Variants in WASHC5 observed in about 807,000 individuals in gnomAD.
WASHC5 encodes the protein WASH complex subunit strumpellin.
Under a neutral mutation model 150.4 loss-of-function variants are expected in WASHC5, and 101 were observed. The observed-to-expected ratio is 0.67, with a 90% confidence interval of 0.57 to 0.79. The LOEUF (loss-of-function observed/expected upper bound fraction) is 0.79, where lower values mean the gene tolerates loss of function less well. WASHC5 is among the 30% of genes least tolerant of loss of function. The pLI is 0.00. For synonymous variants in WASHC5, 467 were observed against 491.2 expected, an observed-to-expected ratio of 0.95 and a Z score of 0.65; for missense variants, 1,195 against 1,396.3, an observed-to-expected ratio of 0.86 and a Z score of 2.30.
At chr8:125,071,826 G>T (rs1405517571) in intron 9 of WASHC5, among the ~76,000 whole-genome samples, 1 of 152,158 alleles carries the variant, frequency 6.6e-6, no homozygotes, top group Non-Finnish European at 1.5e-5. Context: ...TCTGAGATGG[G>T]GCTCACTGGG....
At chr8:125,054,600 G>A (rs571441989) in intron 17 of WASHC5, among the ~76,000 whole-genome samples, 10 of 151,968 alleles carry the variant, frequency 6.6e-5, no homozygotes, top group African/African-American at 1.4e-4. Context: ...TTGGGAGGCC[G>A]AGGCGGGCGG....
intron 4 of WASHC5, 63 bp downstream of exon 4, chr8:125,082,319 GA>G (rs879524652): frequency 7.3e-5 from 69 of 949,178 alleles, no homozygotes; most frequent in East Asian, 5.6e-4. Flanking sequence ...TGACTTAAAA[GA>G]AAAAAAAGTG....
chr8:125,063,357 C>T (rs1269139306), intron 11 of WASHC5, among the ~76,000 whole-genome samples, 165 bp downstream of exon 11: 2 of 152,122 alleles, frequency 1.3e-5, no homozygotes, highest in Non-Finnish European at 2.9e-5. Context: ...GAGAGCTAGA[C>T]GCAGCCAAAA....
At chr8:125,062,005 C>T (rs558730517) in intron 11 of WASHC5, among the ~76,000 whole-genome samples, 90 of 152,178 alleles carry the variant, frequency 5.9e-4, no homozygotes, top group African/African-American at 2.0e-3. Context: ...AAGTTGATCC[C>T]CTAAAGTTTT....
chr8:125,031,710 A>T (rs1351231638), intron 27 of WASHC5, among the ~76,000 whole-genome samples: 1 of 152,106 alleles, frequency 6.6e-6, no homozygotes, highest in Admixed American at 6.5e-5. Context: ...TTTTTTCTTT[A>T]TCCCAGAAAA....
Position 125,067,502 on chromosome 8 carries a change from CA to C in WASHC5, c.1278+89del, listed in dbSNP as rs540453883. The C allele has an allele frequency of 1.5e-3, 1,689 of 1,102,956 alleles. 13 individuals are homozygous for C. In the African/African-American group the frequency reaches 0.023, roughly 15 times the overall value. The allele number at this position is 1,102,956 out of a possible 1,614,324, so 68.3% of individuals were successfully genotyped here. A position where few individuals can be genotyped will look rare whatever the true frequency, so the allele number is the denominator to read the frequency against. ...TCAAATCTGTACCTTGAATCAGAGA[CA>C]GAGCAAGCAATCCTAGTCTTTTTTT... On this transcript the variant is annotated intron_variant, in intron 10 of 28. Transcript: ENST00000318410.
At position 125,028,707 on chromosome 8, in the gene WASHC5, G is replaced by C. The variant is rs913435053; in HGVS notation, c.3336C>G (p.Ser1112Arg). ...CTGCAGGAATTTCAGGTATCTTCTGGCTGTGATAGAGAACAGTTTAGATCA... is the reference window on the plus strand; with the variant it reads ...CTGCAGGAATTTCAGGTATCTTCTGCCTGTGATAGAGAACAGTTTAGATCA... Reference protein sequence around the residue: ...FICSTVEQCTSQKIPEIPADV... With the variant: ...FICSTVEQCTRQKIPEIPADV... The change falls in exon 28 of 29, where the codon AGC (serine) becomes AGG (arginine). Residue 1112 changes from serine (S) to arginine (R), a missense_variant and splice_region_variant. Physicochemically the swap from Ser to Arg is moderately radical, Grantham distance 110 (BLOSUM62 -1). This residue lies in a region of WASHC5 where 997 missense variants were observed against 1,168.1 expected (regional missense o/e 0.85). Coordinates refer to ENST00000318410, the MANE Select transcript of WASHC5 (RefSeq NM_014846.4). 1.9e-6 allele frequency: 3 copies of C among 1,610,420 alleles called. No individual in the cohort carries two copies. Among genetic ancestry groups the C allele is most frequent in the African/African-American group, 1.3e-5 (1 of 74,830 alleles).
In WASHC5 at chr8:125,063,503, T is replaced by C. The variant is rs369510760; in HGVS notation, c.1408+19A>G. The C allele has an allele frequency of 2.5e-6, 4 of 1,612,700 alleles. No homozygotes were observed. The highest frequency in any genetic ancestry group is 2.7e-5 in the African/African-American group (2 of 74,874). On this transcript the variant is annotated intron_variant, in intron 11 of 28. Transcript: ENST00000318410. Reference sequence around the variant, plus strand: ...TGCACACATTCCAAACACACCAGTATTTCCTCTTCAGTAATTACCATTTTT... The same window carrying C: ...TGCACACATTCCAAACACACCAGTACTTCCTCTTCAGTAATTACCATTTTT...
chr8:125,080,695 T>C (rs1817230671), intron 5 of WASHC5, among the ~76,000 whole-genome samples: 1 of 152,202 alleles, frequency 6.6e-6, no homozygotes, highest in Non-Finnish European at 1.5e-5. Flanking sequence ...ATTCAACCAA[T>C]TGAAAATCTG....
intron 14 of WASHC5, 111 bp downstream of exon 14, chr8:125,059,111 A>C (rs2130096709): frequency 1.3e-6 from 1 of 794,098 alleles, no homozygotes; most frequent in South Asian, 1.5e-5. Flanking sequence ...AAAAATATTG[A>C]AATTATTTAC....
rs1469408651 is a variant in WASHC5, at chr8:125,073,173, A to G, written c.1130T>C (p.Met377Thr). 8.1e-6 allele frequency: 13 copies of G among 1,614,044 alleles called. No individual in the cohort carries two copies. Among genetic ancestry groups the G allele is most frequent in the Non-Finnish European group, 1.1e-5 (13 of 1,179,992 alleles). ...RDCNVAIRWLMLHTADSACDP... is the reference protein window; with the variant it reads ...RDCNVAIRWLTLHTADSACDP... ...ATTACCTGAGTCTGCTGTATGAAGCATCAGCCATCGGATGGCAACATTGCA... is the reference window on the plus strand; with the variant it reads ...ATTACCTGAGTCTGCTGTATGAAGCGTCAGCCATCGGATGGCAACATTGCA... The change falls in exon 9 of 29, where the codon ATG (methionine) becomes ACG (threonine). Residue 377 changes from methionine to threonine, a missense_variant. Transcript: ENST00000318410.
At chr8:125,056,925 G>A (rs564632665) in intron 15 of WASHC5, 108 bp from the exon 16 acceptor site, 4 of 1,301,866 alleles carry the variant, frequency 3.1e-6, no homozygotes, top group Non-Finnish European at 4.4e-6. Context: ...GCTGAAAAAT[G>A]TAAAAGAGCT....
chr8:125,031,451 G>GT (rs1014738628), intron 27 of WASHC5, among the ~76,000 whole-genome samples: 12 of 151,936 alleles, frequency 7.9e-5, no homozygotes, highest in Admixed American at 7.2e-4. Context: ...TAATTTTTGT[G>GT]TTTTTTTAGT....
At position 125,075,270 on chromosome 8, in the gene WASHC5, TTAAG is replaced by T. The variant is rs571766608; in HGVS notation, c.865-163_865-160del. Among the ~76,000 whole-genome samples, 285 of 152,236 alleles carry T rather than the reference TTAAG, an allele frequency of 1.9e-3. 1 individual carries two copies. The highest frequency in any genetic ancestry group is 6.2e-3 in the African/African-American group (259 of 41,530). ...ATATATAGGTAAGTGTTCCTGATTGTTAAGTAAGTGTTCCTGATTGTTAATTCAC... is the reference window on the plus strand; with the variant it reads ...ATATATAGGTAAGTGTTCCTGATTGTTAAGTGTTCCTGATTGTTAATTCAC... On this transcript the variant is annotated intron_variant, in intron 7 of 28. Coordinates refer to ENST00000318410, the MANE Select transcript of WASHC5 (RefSeq NM_014846.4).
At chr8:125,052,541 C>T (rs964963175) in intron 17 of WASHC5, among the ~76,000 whole-genome samples, 14 of 151,876 alleles carry the variant, frequency 9.2e-5, no homozygotes, top group African/African-American at 2.9e-4. Context: ...TACAGAGACA[C>T]GCAAGTATAT....
chr8:125,083,630 A>G, intron 2 of WASHC5, 83 bp downstream of exon 2: 1 of 1,101,942 alleles, frequency 9.1e-7, no homozygotes, highest in South Asian at 1.4e-5. Flanking sequence ...ATAATTCCTT[A>G]ACCTTACAGA....
Position 125,038,947 on chromosome 8 carries a change from T to C in WASHC5, c.2967A>G (p.Ala989=). The part of the protein sequence containing the change: ...ALENLNKALL[A]DIEAHYQDPS... ...GGTCCTGATAGTGGGCTTCAATGTC[T>C]GCTAGGAGAGCCCTAAAGGAAGAAA... is the stretch of plus-strand genomic sequence containing the variant. Residue 989 remains alanine, a synonymous_variant, in exon 25 of 29, where the codon GCA becomes GCG. Coordinates refer to ENST00000318410, the MANE Select transcript of WASHC5 (RefSeq NM_014846.4). 6.2e-7 allele frequency: 1 copy of C among 1,613,920 alleles called. No individual in the cohort carries two copies.
Position 125,037,246 on chromosome 8 carries a change from T to A in WASHC5, c.3172A>T (p.Lys1058Ter). 6.3e-7 allele frequency: 1 copy of A among 1,584,762 alleles called. No individual in the cohort carries two copies. Among genetic ancestry groups the A allele is most frequent in the Non-Finnish European group, 8.7e-7 (1 of 1,153,376 alleles). The part of the protein sequence containing the change: ...IAQLPKLQYN[K>*]NLGMVCRKPT... ...TAAATGTTATACGTACCCAGATTTTTGTTGTATTGAAGTTTTGGCAACTGA... is the reference window on the plus strand; with the variant it reads ...TAAATGTTATACGTACCCAGATTTTAGTTGTATTGAAGTTTTGGCAACTGA... The change falls in exon 26 of 29, where the codon AAA (lysine) becomes TAA (stop). Residue 1058 changes from lysine to a stop codon, truncating the protein, a stop_gained. Transcript: ENST00000318410. LOFTEE classifies it high-confidence loss of function.
intron 27 of WASHC5, among the ~76,000 whole-genome samples, chr8:125,030,830 GTCAC>G (rs1815509779): frequency 6.6e-6 from 1 of 152,150 alleles, no homozygotes; most frequent in Non-Finnish European, 1.5e-5. Flanking sequence ...CCCAGAAAAA[GTCAC>G]TCACTATGGT....
Sources: gnomAD v4.1 joint callset for allele counts (sites outside exome capture counted in the v4.1 genomes callset) on GRCh38, gnomAD v4.1.1 for gene constraint, gnomAD v4.1.1 regional missense constraint, MANE v1.5 for transcripts, NCBI Gene and HGNC (gene_info 2026-07-23, HGNC 2026-07-21) for gene names.